Variants in CLIC2 observed in about 807,000 individuals in gnomAD.
The protein encoded by CLIC2 is chloride intracellular channel protein 2.
In CLIC2, 9 loss-of-function variants were observed where a neutral mutation model predicts 14.8. The ratio of observed to expected loss-of-function variants is 0.61; its 90% CI spans 0.37 to 1.06. CLIC2 has a LOEUF of 1.06. Ranked by LOEUF, CLIC2 falls within the 50% of genes least tolerant of loss-of-function variation. The pLI, the probability that CLIC2 is intolerant of heterozygous loss-of-function variation, is 0.01. For synonymous variants in CLIC2, 61 were observed against 66.3 expected, an observed-to-expected ratio of 0.92 and a Z score of 0.39; for missense variants, 148 against 181.4, an observed-to-expected ratio of 0.82 and a Z score of 1.06.
chrX:155,334,607 A>G lies in CLIC2; in HGVS notation c.-180T>C. ...TCTCTTCTCTCAAGAGGTGTGACGC[A>G]GAAAATTCTAGATGCTTAAGTGCAG... On this transcript the variant is annotated 5_prime_UTR_variant, in exon 1 of 6. Coordinates refer to ENST00000369449, the MANE Select transcript of CLIC2 (RefSeq NM_001289.6). 2.2e-6 allele frequency: 1 copy of G among 455,954 alleles called. No individual in the cohort carries two copies. The highest frequency in any genetic ancestry group is 3.7e-5 in the East Asian group (1 of 27,013). 37.6% of individuals were successfully genotyped at this position (455,954 alleles called of 1,213,427 possible). A position where few individuals can be genotyped will look rare whatever the true frequency, so the allele number is the denominator to read the frequency against.
At chrX:155,283,088 C>T (rs2074926097) in intron 3 of CLIC2, among the ~76,000 whole-genome samples, 2 of 112,202 alleles carry the variant, frequency 1.8e-5, no homozygotes, top group South Asian at 3.7e-4. Context: ...ACTAAGCTGG[C>T]TTCTTCAACC....
chrX:155,296,212 A>G (rs782215655), intron 3 of CLIC2, among the ~76,000 whole-genome samples: 1 of 111,805 alleles, frequency 8.9e-6, no homozygotes, highest in African/African-American at 3.2e-5. Context: ...ATAAATTCAC[A>G]TATTTACTGC....
intron 3 of CLIC2, chrX:155,293,182 T>C (rs1028732191): frequency 4.7e-5 from 35 of 744,159 alleles, no homozygotes; most frequent in Non-Finnish European, 7.0e-5. Flanking sequence ...AGGGGAAAGC[T>C]CTCCTGACAG....
At chrX:155,308,608 C>A (rs1214031636) in intron 1 of CLIC2, among the ~76,000 whole-genome samples, 1 of 111,451 alleles carries the variant, frequency 9.0e-6, no homozygotes, top group Admixed American at 9.5e-5. Context: ...TATCTCAGGG[C>A]ATTTAACGTC....
chrX:155,281,262 T>C (rs1179742019), intron 3 of CLIC2, among the ~76,000 whole-genome samples: 4 of 109,058 alleles, frequency 3.7e-5, no homozygotes, highest in African/African-American at 1.3e-4. Context: ...GTTGCAGTTA[T>C]GTAGAATGAG....
Position 155,292,587 on chromosome X carries a change from G to A in CLIC2, c.293+6198C>T, listed in dbSNP as rs1037920515. 37 of 353,154 alleles carry A rather than the reference G, an allele frequency of 1.0e-4. No individual in the cohort carries two copies. The East Asian group carries it at 1.4e-3, about 14-fold the overall frequency. The allele number at this position is 353,154 out of a possible 1,213,427, so 29.1% of individuals were successfully genotyped here. On this transcript the variant is annotated intron_variant, in intron 3 of 5. Coordinates refer to ENST00000369449, the MANE Select transcript of CLIC2 (RefSeq NM_001289.6). Reference sequence around the variant, plus strand: ...AGATCGAGACCATCCTGGCTAACACGGTGAAACCCCGTCTCTACTAAAAAT... The same window carrying A: ...AGATCGAGACCATCCTGGCTAACACAGTGAAACCCCGTCTCTACTAAAAAT...
chrX:155,320,621 G>A (rs1245599488), intron 1 of CLIC2, among the ~76,000 whole-genome samples: 6 of 111,762 alleles, frequency 5.4e-5, no homozygotes, highest in African/African-American at 9.8e-5. Flanking sequence ...AGTGCAAAAC[G>A]TCTGAAAATT....
rs1477361125 is a variant in CLIC2 at position 155,280,597 on chromosome X, G to T, written c.294-529C>A. Among the ~76,000 whole-genome samples the T allele has an allele frequency of 2.7e-5, 3 of 111,191 alleles. No homozygotes were observed. In the East Asian group the frequency reaches 8.4e-4, roughly 31 times the overall value. ...AGTTCCAGCTACTTGGGAGGCTGAG[G>T]CAGGAGAATTGCTTGAAGCTGGGAA... On this transcript the variant is annotated intron_variant, in intron 3 of 5. Transcript: ENST00000369449.
In CLIC2 at chrX:155,279,215, T is replaced by C. The variant is rs782609954; in HGVS notation, c.516A>G (p.Leu172=). Residue 172 remains leucine (L), a synonymous_variant, in exon 5 of 6, where the codon CTA becomes CTG. Coordinates refer to ENST00000369449, the MANE Select transcript of CLIC2 (RefSeq NM_001289.6). Reference sequence around the variant, plus strand: ...GTGTTAGCTGGTCCCCATCCAAGAATAGTCTTCTGGAAACTGGGGGTTCCT... The same window carrying C: ...GTGTTAGCTGGTCCCCATCCAAGAACAGTCTTCTGGAAACTGGGGGTTCCT... The part of the protein sequence containing the change: ...SAEEPPVSRR[L]FLDGDQLTLA... 15 of 1,209,806 alleles carry C rather than the reference T, an allele frequency of 1.2e-5. No individual in the cohort carries two copies. The highest frequency in any genetic ancestry group is 1.6e-5 in the Non-Finnish European group (14 of 893,870).
intron 1 of CLIC2, 58 bp from the exon 2 acceptor site, chrX:155,299,203 T>C: frequency 1.1e-6 from 1 of 936,662 alleles, no homozygotes; most frequent in Non-Finnish European, 1.5e-6. Flanking sequence ...ATGTATTTAG[T>C]TCCTAATAGG....
intron 3 of CLIC2, among the ~76,000 whole-genome samples, chrX:155,283,732 G>C (rs2074929097): frequency 9.2e-6 from 1 of 109,068 alleles, no homozygotes; most frequent in Admixed American, 9.7e-5. Context: ...CAGATGTTTT[G>C]AATGTTATAA....
chrX:155,285,847 T>G (rs1404634282), intron 3 of CLIC2, among the ~76,000 whole-genome samples: 1 of 107,762 alleles, frequency 9.3e-6, no homozygotes, highest in Non-Finnish European at 1.9e-5. Context: ...TTTATTTTGG[T>G]TTTAAGGAGC....
chrX:155,280,169 T>C, intron 3 of CLIC2, 101 bp from the exon 4 acceptor site: 1 of 557,792 alleles, frequency 1.8e-6, no homozygotes, highest in South Asian at 2.5e-5. Context: ...TGGAACATTG[T>C]GCTGGAAACT....
intron 1 of CLIC2, among the ~76,000 whole-genome samples, chrX:155,304,342 T>C (rs782795951): frequency 3.0e-5 from 3 of 100,058 alleles, no homozygotes; most frequent in Non-Finnish European, 6.1e-5. Flanking sequence ...CATCTTCCAT[T>C]GCTGATACCC....
rs939881771 is a variant in CLIC2, at chrX:155,323,186, C to T, written c.57+11185G>A. ...TCCTCCCTAACTCATTTTATGATGC[C>T]AATTTCATCCTGACACCAGAACCTG... On this transcript the variant is annotated intron_variant, in intron 1 of 5. Coordinates refer to ENST00000369449, the MANE Select transcript of CLIC2 (RefSeq NM_001289.6). Among the ~76,000 whole-genome samples, 4 of 111,649 alleles carry T rather than the reference C, an allele frequency of 3.6e-5. No homozygotes were observed. The East Asian group carries it at 1.1e-3, about 31-fold the overall frequency.
chrX:155,330,028 AG>A (rs1205625067), intron 1 of CLIC2, among the ~76,000 whole-genome samples: 4 of 111,158 alleles, frequency 3.6e-5, no homozygotes, highest in African/African-American at 1.3e-4. Flanking sequence ...TGGCTACTAG[AG>A]GCTGGGAAGG....
intron 1 of CLIC2, among the ~76,000 whole-genome samples, chrX:155,315,804 T>G (rs1417627499): frequency 9.0e-6 from 1 of 111,324 alleles, no homozygotes; most frequent in African/African-American, 3.3e-5. Context: ...ATGCCTCACT[T>G]AAAAGATATA....
intron 1 of CLIC2, among the ~76,000 whole-genome samples, chrX:155,320,968 T>C (rs1327262073): frequency 9.1e-6 from 1 of 110,423 alleles, no homozygotes; most frequent in Non-Finnish European, 1.9e-5. Context: ...ATATCAGAGG[T>C]TGAAGATCAA....
chrX:155,309,297 C>G, intron 1 of CLIC2, among the ~76,000 whole-genome samples: 1 of 111,175 alleles, frequency 9.0e-6, no homozygotes, highest in Non-Finnish European at 1.9e-5. Flanking sequence ...CATGAGTGAG[C>G]CCCTGTCTCA....
Sources: gnomAD v4.1 joint callset for allele counts (sites outside exome capture counted in the v4.1 genomes callset) on GRCh38, gnomAD v4.1.1 for gene constraint, MANE v1.5 for transcripts, NCBI Gene and HGNC (gene_info 2026-07-23, HGNC 2026-07-21) for gene names.